NBAS: variants seen among roughly 807,000 people sequenced by gnomAD.
NBAS encodes the protein NBAS subunit of NRZ tethering complex.
In NBAS, 219 loss-of-function variants were observed where a neutral mutation model predicts 302.5. That is an observed-to-expected ratio of 0.72 (90% CI 0.65 to 0.81). The LOEUF (loss-of-function observed/expected upper bound fraction) is 0.81, where lower values mean the gene tolerates loss of function less well. NBAS is among the 30% of genes least tolerant of loss of function. The pLI is 0.00. For missense variants in NBAS, 2,932 were observed against 2,841.6 expected, an observed-to-expected ratio of 1.03 and a Z score of -0.72; for synonymous variants, 1,118 against 1,021.6, an observed-to-expected ratio of 1.09 and a Z score of -1.80.
the NBAS span, among the ~76,000 whole-genome samples, chr2:14,844,231 C>T: frequency 6.6e-6 from 1 of 152,282 alleles, no homozygotes; most frequent in South Asian, 2.1e-4. Flanking sequence ...GGAAAGGACA[C>T]CAGTCAGAGT....
At chr2:14,802,316 A>C in the NBAS span, among the ~76,000 whole-genome samples, 1 of 149,084 alleles carries the variant, frequency 6.7e-6, no homozygotes, top group Admixed American at 6.7e-5. Context: ...CAGGTTTGTC[A>C]AAGATCAGAT....
At chr2:15,384,156 T>C (rs1675175955) in intron 28 of NBAS, among the ~76,000 whole-genome samples, 1 of 152,240 alleles carries the variant, frequency 6.6e-6, no homozygotes, top group South Asian at 2.1e-4. Context: ...CTCTATAATC[T>C]GGTTGATTAA....
chr2:15,017,092 G>T, the NBAS span, among the ~76,000 whole-genome samples: 1 of 151,950 alleles, frequency 6.6e-6, no homozygotes, highest in Admixed American at 6.6e-5. Flanking sequence ...AAATAATACT[G>T]GGAAAACCAA....
chr2:15,473,963 A>G, intron 15 of NBAS, 104 bp downstream of exon 15: 1 of 1,371,740 alleles, frequency 7.3e-7, no homozygotes, highest in African/African-American at 1.4e-5. Flanking sequence ...CAATGATCCA[A>G]CATCCCTCTT....
chr2:15,110,434 G>A, the NBAS span, among the ~76,000 whole-genome samples: 1 of 152,020 alleles, frequency 6.6e-6, no homozygotes, highest in Admixed American at 6.6e-5. Flanking sequence ...ACACTGATTG[G>A]GAGTAGCATA....
intron 38 of NBAS, 111 bp downstream of exon 38, chr2:15,327,639 C>T (rs1672132528): frequency 4.4e-6 from 6 of 1,352,088 alleles, no homozygotes. Flanking sequence ...TTATGCAATT[C>T]AAAATTACTG....
chr2:15,553,923 T>G, intron 4 of NBAS, 138 bp downstream of exon 4: 4 of 674,158 alleles, frequency 5.9e-6, no homozygotes. Flanking sequence ...GTTTAAACAA[T>G]ACTAAATATT....
At chr2:14,792,032 C>A in the NBAS span, among the ~76,000 whole-genome samples, 1 of 151,950 alleles carries the variant, frequency 6.6e-6, no homozygotes, top group Non-Finnish European at 1.5e-5. Flanking sequence ...CCACATCTCT[C>A]CCTAGTGGAG....
the NBAS span, among the ~76,000 whole-genome samples, chr2:15,148,358 A>T: frequency 6.6e-6 from 1 of 152,176 alleles, no homozygotes; most frequent in South Asian, 2.1e-4. Context: ...GGTTCTCTGC[A>T]ACAAAAACTT....
intron 44 of NBAS, among the ~76,000 whole-genome samples, chr2:15,249,580 A>C (rs2147981351): frequency 6.6e-6 from 1 of 152,354 alleles, no homozygotes; most frequent in South Asian, 2.1e-4. Context: ...GTCTCAGCCC[A>C]AAATCTCCTT....
intron 6 of NBAS, among the ~76,000 whole-genome samples, chr2:15,542,557 T>TTCCC (rs1349304570): frequency 6.8e-6 from 1 of 147,458 alleles, no homozygotes; most frequent in Non-Finnish European, 1.5e-5. Context: ...TCTGCTGACC[T>TTCCC]TCCCTCCACT....
chr2:15,285,026 C>T (rs564568042), intron 42 of NBAS, among the ~76,000 whole-genome samples: 17 of 152,126 alleles, frequency 1.1e-4, no homozygotes, highest in Non-Finnish European at 7.4e-5. Flanking sequence ...CATCCTTTTA[C>T]GTAACATTCA....
chr2:15,354,977 T>A (rs1469452814), intron 33 of NBAS, among the ~76,000 whole-genome samples: 1 of 152,230 alleles, frequency 6.6e-6, no homozygotes, highest in East Asian at 1.9e-4. Flanking sequence ...GACCCTTCAG[T>A]TAGCCTGCTG....
intron 1 of NBAS, 125 bp downstream of exon 1, chr2:15,561,063 A>T (rs1343668940): frequency 2.2e-6 from 1 of 464,932 alleles, no homozygotes; most frequent in African/African-American, 2.5e-5. Flanking sequence ...AGGCGACCGC[A>T]CAAGCCAACC....
chr2:15,349,903 T>G (rs368666422), intron 35 of NBAS, among the ~76,000 whole-genome samples: 16 of 152,174 alleles, frequency 1.1e-4, no homozygotes, highest in Non-Finnish European at 2.2e-4. Context: ...TGATGAACAG[T>G]GCAGGTATGA....
chr2:15,151,582 C>A, the NBAS span, among the ~76,000 whole-genome samples: 1 of 152,234 alleles, frequency 6.6e-6, no homozygotes, highest in African/African-American at 2.4e-5. Context: ...GGAATGTGTA[C>A]GATAGTTAAC....
chr2:15,210,928 T>C (rs1267281169), intron 48 of NBAS, among the ~76,000 whole-genome samples: 1 of 152,092 alleles, frequency 6.6e-6, no homozygotes, highest in African/African-American at 2.4e-5. Flanking sequence ...ATTAAAAGTA[T>C]TGAACTCATG....
At chr2:14,794,925 A>G in the NBAS span, among the ~76,000 whole-genome samples, 1 of 152,166 alleles carries the variant, frequency 6.6e-6, no homozygotes, top group Admixed American at 6.5e-5. Context: ...TGTTGTATGT[A>G]TTGGCAATTC....
At chr2:15,318,283 T>G (rs2204710) in intron 38 of NBAS, among the ~76,000 whole-genome samples, 31,094 of 152,214 alleles carry the variant, frequency 0.2, 4,063 homozygotes, top group East Asian at 0.59. Context: ...TATCAGCCAC[T>G]GTAAAAACAT....
Sources: gnomAD v4.1 joint callset for allele counts (sites outside exome capture counted in the v4.1 genomes callset) on GRCh38, gnomAD v4.1.1 for gene constraint, MANE v1.5 for transcripts, NCBI Gene and HGNC (gene_info 2026-07-23, HGNC 2026-07-21) for gene names.